PRMT8: variants seen among roughly 807,000 people sequenced by gnomAD.
PRMT8 encodes the protein protein arginine methyltransferase 8, also known as protein arginine N-methyltransferase 8.
Under a neutral mutation model 47.1 loss-of-function variants are expected in PRMT8, and 7 were observed. The ratio of observed to expected loss-of-function variants is 0.15; its 90% CI spans 0.08 to 0.28. The LOEUF (loss-of-function observed/expected upper bound fraction) is 0.28, where lower values mean the gene tolerates loss of function less well. Among genes scored for constraint, PRMT8 ranks in the 10% least tolerant of loss-of-function variants. The pLI is 1.00. For missense variants in PRMT8, 237 were observed against 505.4 expected (o/e 0.47, Z 5.09); for synonymous variants, 188 against 186.5 (o/e 1.01, Z -0.07).
chr12:3,418,078 C>G (rs1176306395), intron 1 of PRMT8, among the ~76,000 whole-genome samples: 1 of 152,216 alleles, frequency 6.6e-6, no homozygotes, highest in Non-Finnish European at 1.5e-5. Context: ...TGTTACATAG[C>G]AAGTACTCAA....
In PRMT8 at chr12:3,491,525, A is replaced by AT. The variant is rs374098818; in HGVS notation, c.-90dup. The stretch of plus-strand genomic sequence containing the variant: ...CGCTCCAGCTGAGGGGCTGGGTTGG[A>AT]TTTTTTTTTTTCTCCCATCCTCTCG... On this transcript the variant is annotated 5_prime_UTR_variant, in exon 1 of 10. Transcript: ENST00000382622. 10,968 of 1,061,560 alleles carry AT rather than the reference A, an allele frequency of 0.01. 3 individuals are homozygous for AT. The highest frequency in any genetic ancestry group is 0.024 in the South Asian group (1,241 of 50,850). The allele number at this position is 1,061,560 out of a possible 1,614,324, so 65.8% of individuals were successfully genotyped here.
chr12:3,510,091 C>T (rs921274882), intron 1 of PRMT8, among the ~76,000 whole-genome samples: 1 of 152,164 alleles, frequency 6.6e-6, no homozygotes, highest in Admixed American at 6.5e-5. Context: ...ACCTTATCCA[C>T]CATTACTGGC....
At chr12:3,431,371 A>G (rs562006607) in intron 1 of PRMT8, among the ~76,000 whole-genome samples, 6 of 152,168 alleles carry the variant, frequency 3.9e-5, no homozygotes, top group Non-Finnish European at 7.3e-5. Flanking sequence ...GACTATTTCA[A>G]TGTGGGGCCG....
Position 3,566,193 on chromosome 12 carries a change from A to G in PRMT8, c.482-2513A>G, listed in dbSNP as rs1866718754. ...GATTAGGCAGGTGAGTCATGCATAT[A>G]TTTGTCAGTTCTCTTTCAAAATAAG... On this transcript the variant is annotated intron_variant, in intron 4 of 9. Coordinates refer to ENST00000382622, the MANE Select transcript of PRMT8 (RefSeq NM_019854.5). This position sits in a 1 kb window ranked among gnomAD's most constrained non-coding sequence, Gnocchi z 4.7. Among the ~76,000 whole-genome samples, 1 of 152,226 alleles carries G rather than the reference A, an allele frequency of 6.6e-6. No individual in the cohort carries two copies.
intron 1 of PRMT8, among the ~76,000 whole-genome samples, chr12:3,389,163 C>T (rs759805590): frequency 1.3e-5 from 2 of 152,054 alleles, no homozygotes; most frequent in Non-Finnish European, 2.9e-5. Flanking sequence ...CTTGGGGGTA[C>T]CGAGAGATGG....
rs1179558221 is a variant in PRMT8, at chr12:3,566,483, G to A, written c.482-2223G>A. On this transcript the variant is annotated intron_variant, in intron 4 of 9. Coordinates refer to ENST00000382622, the MANE Select transcript of PRMT8 (RefSeq NM_019854.5). The surrounding 1 kb of genome is among the most constrained non-coding windows in gnomAD (Gnocchi z 4.7). ...CCAAGACTGAACCTCACTGTAGAGTGACCAGGGTCAATGCATGTGTACAAA... is the reference window on the plus strand; with the variant it reads ...CCAAGACTGAACCTCACTGTAGAGTAACCAGGGTCAATGCATGTGTACAAA... Among the ~76,000 whole-genome samples, 2 of 152,208 alleles carry A rather than the reference G, an allele frequency of 1.3e-5. No individual in the cohort carries two copies. Among genetic ancestry groups the A allele is most frequent in the Non-Finnish European group, 1.5e-5 (1 of 68,028 alleles).
At chr12:3,454,591 T>C (rs1251788167) in intron 1 of PRMT8, among the ~76,000 whole-genome samples, 2 of 152,012 alleles carry the variant, frequency 1.3e-5, no homozygotes, top group African/African-American at 4.8e-5. Context: ...GCATGTGGCA[T>C]TTCTCAAGCG....
chr12:3,447,134 G>A (rs1002637642), intron 1 of PRMT8, among the ~76,000 whole-genome samples: 4 of 152,134 alleles, frequency 2.6e-5, no homozygotes, highest in Non-Finnish European at 4.4e-5. Context: ...TGCAAAGACC[G>A]AAAAGCACCT....
rs190169495 is a variant in PRMT8, at chr12:3,468,115, C to T, written c.49-72491C>T. ...GAAGAATGTCCAGCAGTAAAGAGGG[C>T]CTTCGAAAGAACTTAGTATAGATGT... On this transcript the variant is annotated intron_variant, in intron 1 of 9. Coordinates refer to the PRMT8 transcript ENST00000452611. Among the ~76,000 whole-genome samples the T allele has an allele frequency of 3.2e-3, 490 of 152,300 alleles. 1 individual carries two copies. The highest frequency in any genetic ancestry group is 0.011 in the African/African-American group (471 of 41,562).
rs1209216218 is a variant in PRMT8 at position 3,580,911 on chromosome 12, G to A, written c.829-2147G>A. ...GGAGGACACCTGTGGACAGCATGTG[G>A]CCATGTGGCTGGGAGGGATAATGAG... On this transcript the variant is annotated intron_variant, in intron 7 of 9. Coordinates refer to ENST00000382622, the MANE Select transcript of PRMT8 (RefSeq NM_019854.5). This position sits in a 1 kb window ranked among gnomAD's most constrained non-coding sequence, Gnocchi z 4.6. 6.6e-6 allele frequency among the ~76,000 whole-genome samples: 1 copy of A among 152,200 alleles called. No homozygotes were observed. Among genetic ancestry groups the A allele is most frequent in the Non-Finnish European group, 1.5e-5 (1 of 68,036 alleles).
chr12:3,401,763 C>A (rs1276857329), intron 1 of PRMT8, among the ~76,000 whole-genome samples: 1 of 152,040 alleles, frequency 6.6e-6, no homozygotes. Flanking sequence ...GGAATAAATA[C>A]AGCTAACAAA....
intron 1 of PRMT8, among the ~76,000 whole-genome samples, chr12:3,537,080 T>C (rs956011845): frequency 2.6e-5 from 4 of 152,238 alleles, no homozygotes; most frequent in Non-Finnish European, 4.4e-5. Context: ...TTCAAGTACA[T>C]TTTACCAAAC....
At position 3,456,523 on chromosome 12, in the gene PRMT8, G is replaced by A. The variant is rs1405064090; in HGVS notation, c.48+75081G>A. ...CGAGCACACATTCGGCATCACGAGCGATCTGTTGTGCAGCCCGATCATCCC... is the reference window on the plus strand; with the variant it reads ...CGAGCACACATTCGGCATCACGAGCAATCTGTTGTGCAGCCCGATCATCCC... On this transcript the variant is annotated intron_variant, in intron 1 of 9. Coordinates refer to the PRMT8 transcript ENST00000452611. This position sits in a 1 kb window ranked among gnomAD's most constrained non-coding sequence, Gnocchi z 4.2. Among the ~76,000 whole-genome samples the A allele has an allele frequency of 1.3e-5, 2 of 152,134 alleles. No individual in the cohort carries two copies. The highest frequency in any genetic ancestry group is 4.8e-5 in the African/African-American group (2 of 41,420).
chr12:3,476,857 C>T (rs1024233167), intron 1 of PRMT8, among the ~76,000 whole-genome samples: 1 of 152,150 alleles, frequency 6.6e-6, no homozygotes. Flanking sequence ...CACTGGGCTT[C>T]GAGTCTGTCC....
chr12:3,590,147 C>T (rs1483963603), intron 8 of PRMT8, among the ~76,000 whole-genome samples: 2 of 152,228 alleles, frequency 1.3e-5, no homozygotes, highest in Non-Finnish European at 2.9e-5. Flanking sequence ...ACTGCACATT[C>T]ATGATCCTCC....
chr12:3,396,619 G>A (rs891061097), intron 1 of PRMT8, among the ~76,000 whole-genome samples: 5 of 152,054 alleles, frequency 3.3e-5, no homozygotes, highest in African/African-American at 9.7e-5. Flanking sequence ...TGGGTAACCC[G>A]ACCTTTCTCT....
At position 3,436,536 on chromosome 12, in the gene PRMT8, ATAGAG is replaced by A. The variant is rs1417437472; in HGVS notation, c.48+55097_48+55101del. On this transcript the variant is annotated intron_variant, in intron 1 of 9. Coordinates refer to the PRMT8 transcript ENST00000452611. This position sits in a 1 kb window ranked among gnomAD's most constrained non-coding sequence, Gnocchi z 4.2. ...GTCAGCGTGCAGAAGATCTCTATTA[ATAGAG>A]TAAAGATTTCATGCCACCAGTAATT... Among the ~76,000 whole-genome samples the A allele has an allele frequency of 3.9e-5, 6 of 151,974 alleles. No homozygotes were observed. Among genetic ancestry groups the A allele is most frequent in the African/African-American group, 7.3e-5 (3 of 41,362 alleles).
rs1324403023 is a variant in PRMT8, at chr12:3,491,369, G to A, written c.-257G>A. The A allele has an allele frequency of 1.6e-5, 19 of 1,181,156 alleles. No homozygotes were observed. The highest frequency in any genetic ancestry group is 9.8e-5 in the South Asian group (3 of 30,580). 73.2% of individuals were successfully genotyped at this position (1,181,156 alleles called of 1,614,324 possible). On this transcript the variant is annotated 5_prime_UTR_variant, in exon 1 of 10. Transcript: ENST00000382622. ...GCCCGCAGCGCGGGTGGAGAGGGGC[G>A]GGGAGGGGGTCGGGGGCACGAGAAG...
At chr12:3,509,637 AT>A (rs1865680128) in intron 1 of PRMT8, among the ~76,000 whole-genome samples, 1 of 152,190 alleles carries the variant, frequency 6.6e-6, no homozygotes, top group Non-Finnish European at 1.5e-5. Flanking sequence ...ATGAAAAAAA[AT>A]GTTCTATGGA....
Sources: gnomAD v4.1 joint callset for allele counts (sites outside exome capture counted in the v4.1 genomes callset) on GRCh38, gnomAD v4.1.1 for gene constraint, Gnocchi (gnomAD v3.1) non-coding constraint, MANE v1.5 for transcripts, NCBI Gene and HGNC (gene_info 2026-07-23, HGNC 2026-07-21) for gene names.